NRXN3: variants seen among roughly 807,000 people sequenced by gnomAD.
The protein encoded by NRXN3 is neurexin III.
Under a neutral mutation model 137.6 loss-of-function variants are expected in NRXN3, and 32 were observed. That is an observed-to-expected ratio of 0.23 (90% CI 0.18 to 0.31). NRXN3 has a LOEUF of 0.31. Ranked by LOEUF, NRXN3 falls within the 10% of genes least tolerant of loss-of-function variation. NRXN3 has a pLI of 1.00. For synonymous variants in NRXN3, 798 were observed against 784.5 expected (o/e 1.02, Z -0.29); for missense variants, 1,574 against 2,062.5 (o/e 0.76, Z 4.59).
intron 15 of NRXN3, among the ~76,000 whole-genome samples, chr14:79,364,717 A>G (rs983917031): frequency 6.6e-6 from 1 of 152,238 alleles, no homozygotes; most frequent in Non-Finnish European, 1.5e-5. Context: ...TCACTTTTAC[A>G]TATGTAATAT....
intron 20 of NRXN3, chr14:79,853,971 C>G (rs1332514892): frequency 3.0e-5 from 30 of 987,508 alleles, no homozygotes; most frequent in Non-Finnish European, 3.4e-5. Flanking sequence ...TGTTAAAGTG[C>G]AGATTTTTTT....
chr14:78,506,011 C>G lies in NRXN3; in HGVS notation c.758-139109C>G, dbSNP rs2095982054. Among the ~76,000 whole-genome samples the G allele has an allele frequency of 4.6e-5, 7 of 152,114 alleles. 1 individual carries two copies. In the South Asian group the frequency reaches 1.5e-3, roughly 32 times the overall value. ...TAAGACGCTTAACCTGTGATCTACC[C>G]TCAAGAAACTTTGAAGTGCTCAATA... On this transcript the variant is annotated intron_variant, in intron 4 of 20. Transcript: ENST00000335750.
At chr14:79,843,308 A>T (rs1568427210) in intron 20 of NRXN3, among the ~76,000 whole-genome samples, 3 of 151,526 alleles carry the variant, frequency 2.0e-5, no homozygotes, top group Admixed American at 6.6e-5. Context: ...TATATCTTTT[A>T]AAAAAATACT....
intron 2 of NRXN3, among the ~76,000 whole-genome samples, chr14:78,252,408 G>A (rs1471780705): frequency 6.6e-6 from 1 of 152,198 alleles, no homozygotes; most frequent in Admixed American, 6.5e-5. Flanking sequence ...AAAGCTCCTG[G>A]CTCAAGTTTT....
At chr14:78,306,497 G>T (rs2077380887) in intron 4 of NRXN3, among the ~76,000 whole-genome samples, 1 of 152,202 alleles carries the variant, frequency 6.6e-6, no homozygotes, top group Non-Finnish European at 1.5e-5. Flanking sequence ...TAAAGAATTC[G>T]AAAGAGTAGT....
intron 4 of NRXN3, among the ~76,000 whole-genome samples, chr14:78,438,856 C>T (rs565120629): frequency 3.3e-5 from 5 of 151,924 alleles, no homozygotes; most frequent in Admixed American, 1.3e-4. Flanking sequence ...GGGTTGTCAG[C>T]AAGCCACATG....
chr14:78,800,006 A>T (rs948181783), intron 8 of NRXN3, among the ~76,000 whole-genome samples: 1 of 152,178 alleles, frequency 6.6e-6, no homozygotes, highest in African/African-American at 2.4e-5. Context: ...AAAATAGAAC[A>T]ATAGAGATTA....
At chr14:79,099,392 TA>T (rs1716731028) in intron 15 of NRXN3, among the ~76,000 whole-genome samples, 1 of 152,124 alleles carries the variant, frequency 6.6e-6, no homozygotes, top group Admixed American at 6.6e-5. Context: ...ATACAATTTA[TA>T]ACTTAAAGCA....
chr14:78,417,338 T>G (rs1467248047), intron 4 of NRXN3, among the ~76,000 whole-genome samples: 1 of 152,240 alleles, frequency 6.6e-6, no homozygotes, highest in Non-Finnish European at 1.5e-5. Flanking sequence ...TCTCCCAGCT[T>G]CCTGACTCTG....
intron 2 of NRXN3, among the ~76,000 whole-genome samples, chr14:78,249,389 C>T (rs1322785256): frequency 6.6e-6 from 1 of 152,200 alleles, no homozygotes; most frequent in Non-Finnish European, 1.5e-5. Flanking sequence ...TTTCAAGACC[C>T]CTATCTCCAT....
At chr14:79,139,557 T>C (rs1359630171) in intron 15 of NRXN3, among the ~76,000 whole-genome samples, 1 of 152,178 alleles carries the variant, frequency 6.6e-6, no homozygotes, top group Non-Finnish European at 1.5e-5. Flanking sequence ...ACTTCACAGA[T>C]ATCTAATGAA....
intron 16 of NRXN3, among the ~76,000 whole-genome samples, chr14:79,532,804 T>C (rs1159667295): frequency 1.3e-5 from 2 of 152,184 alleles, no homozygotes; most frequent in Admixed American, 1.3e-4. Context: ...GACTGACATC[T>C]TCAGCAAATA....
chr14:79,144,332 C>T (rs1428883286), intron 15 of NRXN3, among the ~76,000 whole-genome samples: 2 of 152,132 alleles, frequency 1.3e-5, no homozygotes, highest in Non-Finnish European at 2.9e-5. Context: ...GTTTTTAGTG[C>T]AACTCTGCTT....
intron 16 of NRXN3, among the ~76,000 whole-genome samples, chr14:79,608,507 C>G (rs572510406): frequency 1.3e-5 from 2 of 152,310 alleles, no homozygotes; most frequent in South Asian, 4.1e-4. Context: ...GCAAGCTTCT[C>G]CTGCTGCCCC....
At chr14:79,300,316 A>G (rs1014304680) in intron 15 of NRXN3, among the ~76,000 whole-genome samples, 2 of 152,078 alleles carry the variant, frequency 1.3e-5, no homozygotes, top group Non-Finnish European at 2.9e-5. Flanking sequence ...TTAGTTAGCT[A>G]TTGCTACAAA....
intron 15 of NRXN3, among the ~76,000 whole-genome samples, chr14:79,369,951 C>G (rs979569854): frequency 6.6e-6 from 1 of 152,200 alleles, no homozygotes; most frequent in Non-Finnish European, 1.5e-5. Flanking sequence ...TTTCAGTACA[C>G]TTTCCGTATA....
In NRXN3 at chr14:78,826,293, G is replaced by A. The variant is rs948976043; in HGVS notation, c.2275+15949G>A. Among the ~76,000 whole-genome samples, 3 of 152,066 alleles carry A rather than the reference G, an allele frequency of 2.0e-5. 1 individual carries two copies. The highest frequency in any genetic ancestry group is 4.8e-5 in the African/African-American group (2 of 41,402). On this transcript the variant is annotated intron_variant, in intron 10 of 20. Coordinates refer to ENST00000335750, the MANE Select transcript of NRXN3 (RefSeq NM_001330195.2). ...AGGGAGCAACTGTAGACCCCCACAG[G>A]CACTCACGACCCCACCCCACGATTC...
chr14:79,814,736 G>A (rs576686152), intron 20 of NRXN3, among the ~76,000 whole-genome samples: 3 of 152,058 alleles, frequency 2.0e-5, no homozygotes, highest in Non-Finnish European at 2.9e-5. Flanking sequence ...GATGTTTTTC[G>A]GGAATTGTTA....
chr14:78,788,580 C>T (rs1469520100), intron 8 of NRXN3, among the ~76,000 whole-genome samples: 1 of 152,098 alleles, frequency 6.6e-6, no homozygotes, highest in African/African-American at 2.4e-5. Flanking sequence ...ACCTCAAGGT[C>T]TCCACTCACT....
Sources: gnomAD v4.1 joint callset for allele counts (sites outside exome capture counted in the v4.1 genomes callset) on GRCh38, gnomAD v4.1.1 for gene constraint, MANE v1.5 for transcripts, NCBI Gene and HGNC (gene_info 2026-07-23, HGNC 2026-07-21) for gene names.